RBPMS: variants seen among roughly 807,000 people sequenced by gnomAD.
RBPMS encodes RNA-binding protein with multiple splicing.
RBPMS carries 7 observed loss-of-function variants against 26.8 expected under a neutral mutation model. The ratio of observed to expected loss-of-function variants is 0.26; its 90% confidence interval spans 0.15 to 0.49. The LOEUF (loss-of-function observed/expected upper bound fraction) is 0.49. Among genes scored for constraint, RBPMS ranks in the 20% least tolerant of loss-of-function variants. The pLI is 0.98. For missense variants in RBPMS, 186 were observed against 250.0 expected (o/e 0.74, Z 1.73); for synonymous variants, 96 against 93.3 (o/e 1.03, Z -0.17).
At position 30,504,414 on chromosome 8, in the gene RBPMS, T is replaced by A. The variant is rs1820877584; in HGVS notation, c.375T>A (p.Pro125=). The part of the protein sequence containing the change: ...NPSTPLPNTV[P]QFIAREPYEL... ...GTACTCCTCTGCCCAACACTGTACCTCAGTTCATTGCCAGAGAGCCATGTA... is the reference window on the plus strand; with the variant it reads ...GTACTCCTCTGCCCAACACTGTACCACAGTTCATTGCCAGAGAGCCATGTA... The change falls in exon 5 of 9, where the codon CCT becomes CCA. Residue 125 remains proline (P), a synonymous_variant. Coordinates refer to ENST00000397323, the MANE Select transcript of RBPMS (RefSeq NM_001008710.3). The A allele has an allele frequency of 2.5e-6, 4 of 1,614,012 alleles. No individual in the cohort carries two copies. The South Asian group carries it at 4.4e-5, about 18-fold the overall frequency.
rs116338744 is a variant in RBPMS, at chr8:30,387,716, A to G, written c.66+2558A>G. 1.8e-3 allele frequency among the ~76,000 whole-genome samples: 277 copies of G among 152,342 alleles called. 2 individuals are homozygous for G. The highest frequency in any genetic ancestry group is 6.2e-3 in the African/African-American group (256 of 41,586). On this transcript the variant is annotated intron_variant, in intron 1 of 8. Transcript: ENST00000397323. Reference sequence around the variant, plus strand: ...AAAATAGTTTATTTCACAGATCATGAGGGTGGTTTGGGCTTTCTCCACATT... The same window carrying G: ...AAAATAGTTTATTTCACAGATCATGGGGGTGGTTTGGGCTTTCTCCACATT...
At chr8:30,476,508 C>G (rs1817707816) in intron 2 of RBPMS, among the ~76,000 whole-genome samples, 2 of 152,154 alleles carry the variant, frequency 1.3e-5, no homozygotes, top group South Asian at 4.2e-4. Flanking sequence ...CATAAGAGCT[C>G]AAGGCCTTTG....
intron 2 of RBPMS, among the ~76,000 whole-genome samples, 158 bp downstream of exon 2, chr8:30,475,014 A>T (rs562680334): frequency 6.6e-6 from 1 of 152,376 alleles, no homozygotes; most frequent in Non-Finnish European, 1.5e-5. Flanking sequence ...TCTAATGTAC[A>T]GTCTCACTTA....
chr8:30,488,822 AATTT>A (rs1819068762), intron 4 of RBPMS, among the ~76,000 whole-genome samples: 1 of 152,170 alleles, frequency 6.6e-6, no homozygotes, highest in Non-Finnish European at 1.5e-5. Context: ...AAAGGTACTA[AATTT>A]GTTAATTGAG....
At chr8:30,540,739 T>C (rs1288893439) in intron 5 of RBPMS, among the ~76,000 whole-genome samples, 3 of 152,206 alleles carry the variant, frequency 2.0e-5, no homozygotes, top group Non-Finnish European at 4.4e-5. Context: ...AAACTGTGTA[T>C]TTTTAAAGTT....
At chr8:30,502,813 T>C (rs761788435) in intron 4 of RBPMS, among the ~76,000 whole-genome samples, 1 of 152,252 alleles carries the variant, frequency 6.6e-6, no homozygotes, top group Non-Finnish European at 1.5e-5. Context: ...CTTTTTGTTT[T>C]TGTTTTTCCT....
intron 6 of RBPMS, among the ~76,000 whole-genome samples, chr8:30,555,085 G>T (rs533294984): frequency 6.6e-6 from 1 of 152,222 alleles, no homozygotes; most frequent in East Asian, 1.9e-4. Flanking sequence ...ATCTATAAAT[G>T]GAAGAGGATG....
At chr8:30,439,841 G>A (rs1034270694) in intron 1 of RBPMS, among the ~76,000 whole-genome samples, 3 of 151,832 alleles carry the variant, frequency 2.0e-5, no homozygotes, top group Non-Finnish European at 4.4e-5. Context: ...TTGTAGAGAC[G>A]GGGTTTCACC....
chr8:30,523,336 C>T (rs558487891), intron 5 of RBPMS, among the ~76,000 whole-genome samples: 3 of 150,320 alleles, frequency 2.0e-5, no homozygotes, highest in East Asian at 3.9e-4. Flanking sequence ...GAGATCGTAC[C>T]ACTGCATTCC....
intron 4 of RBPMS, among the ~76,000 whole-genome samples, chr8:30,483,891 G>T (rs1818524523): frequency 6.6e-6 from 1 of 151,926 alleles, no homozygotes; most frequent in Admixed American, 6.6e-5. Context: ...TAACATTTTT[G>T]AGATTCATCC....
intron 1 of RBPMS, among the ~76,000 whole-genome samples, chr8:30,459,122 C>G (rs775407120): frequency 6.6e-6 from 1 of 152,000 alleles, no homozygotes; most frequent in Admixed American, 6.6e-5. Flanking sequence ...CCACCACACC[C>G]GGCTAGTTTT....
chr8:30,479,804 T>C (rs1301401807), intron 4 of RBPMS, among the ~76,000 whole-genome samples: 1 of 81,078 alleles, frequency 1.2e-5, no homozygotes, highest in East Asian at 4.1e-4. Context: ...CTTTTAGATA[T>C]GCAGCATTAA....
rs553387133 is a variant in RBPMS at position 30,468,099 on chromosome 8, CT to C, written c.67-6677del. On this transcript the variant is annotated intron_variant, in intron 1 of 8. Transcript: ENST00000397323. ...TCCCTTAATAATTGTGAACCTTGTTCTTTGTCAGTAGATCTGGATATCTACT... is the reference window on the plus strand; with the variant it reads ...TCCCTTAATAATTGTGAACCTTGTTCTTGTCAGTAGATCTGGATATCTACT... Among the ~76,000 whole-genome samples the C allele has an allele frequency of 3.6e-4, 55 of 151,528 alleles. No homozygotes were observed. In the East Asian group the frequency reaches 8.7e-3, roughly 24 times the overall value.
intron 1 of RBPMS, among the ~76,000 whole-genome samples, chr8:30,425,874 C>CAG (rs1258480766): frequency 6.6e-6 from 1 of 152,128 alleles, no homozygotes; most frequent in Non-Finnish European, 1.5e-5. Flanking sequence ...AAAAAAACAG[C>CAG]AGAGAGGGAA....
At chr8:30,452,989 T>A (rs1814765828) in intron 1 of RBPMS, among the ~76,000 whole-genome samples, 1 of 152,194 alleles carries the variant, frequency 6.6e-6, no homozygotes, top group Non-Finnish European at 1.5e-5. Flanking sequence ...TGCCTTCAAG[T>A]GTGGTTACTT....
intron 4 of RBPMS, among the ~76,000 whole-genome samples, chr8:30,495,279 GGT>G (rs1491471142): frequency 4.4e-4 from 58 of 132,298 alleles, no homozygotes; most frequent in African/African-American, 2.0e-3. Flanking sequence ...CAATTATGAA[GGT>G]TTTTTTTTTT....
chr8:30,421,802 A>G (rs546328193), intron 1 of RBPMS, among the ~76,000 whole-genome samples: 75 of 152,144 alleles, frequency 4.9e-4, no homozygotes, highest in African/African-American at 1.7e-3. Flanking sequence ...TAAAAATACA[A>G]AAATTAGCTG....
intron 1 of RBPMS, among the ~76,000 whole-genome samples, chr8:30,433,381 T>C (rs1812138597): frequency 6.6e-6 from 1 of 152,194 alleles, no homozygotes; most frequent in South Asian, 2.1e-4. Flanking sequence ...ATTTTCTTTG[T>C]TGGGTTGTCA....
chr8:30,385,498 C>T (rs892228949), intron 1 of RBPMS: 2 of 214,366 alleles, frequency 9.3e-6, no homozygotes, highest in Non-Finnish European at 1.8e-5. Flanking sequence ...GACTTAGGGC[C>T]GGGGCTGGAA....
Sources: gnomAD v4.1 joint callset for allele counts (sites outside exome capture counted in the v4.1 genomes callset) on GRCh38, gnomAD v4.1.1 for gene constraint, MANE v1.5 for transcripts, NCBI Gene and HGNC (gene_info 2026-07-23, HGNC 2026-07-21) for gene names.